The following NUTM2G variants were observed in gnomAD, a reference collection of about 807,000 sequenced individuals.
NUTM2G encodes NUT family member 2G, also known as family with sequence similarity 22, member G.
Under a neutral mutation model 44.3 loss-of-function variants are expected in NUTM2G, and 29 were observed. The observed-to-expected ratio is 0.66, with a 90% CI of 0.49 to 0.89. NUTM2G has a LOEUF of 0.89. Among genes scored for constraint, NUTM2G ranks in the 40% least tolerant of loss-of-function variants. The pLI is 0.00. For missense variants in NUTM2G, 502 were observed against 946.5 expected (o/e 0.53, Z 6.16); for synonymous variants, 205 against 395.9 (o/e 0.52, Z 5.72).
chr9:96,930,872 G>GTT lies in NUTM2G; in HGVS notation c.17-811_17-810dup, dbSNP rs1168888338. On this transcript the variant is annotated intron_variant, in intron 1 of 6. Coordinates refer to ENST00000372322, the MANE Select transcript of NUTM2G (RefSeq NM_001170741.3). Reference sequence around the variant, plus strand: ...GGCTTGGGCGAGTTTCCATCCAGTGGTTTTTTTTTTTTTTTTTTTTTTTTT... The same window carrying GTT: ...GGCTTGGGCGAGTTTCCATCCAGTGGTTTTTTTTTTTTTTTTTTTTTTTTTTT... Among the ~76,000 whole-genome samples the GTT allele has an allele frequency of 6.2e-4, 45 of 72,724 alleles. 11 individuals carry two copies. The highest frequency in any genetic ancestry group is 1.1e-3 in the South Asian group (2 of 1,792). The allele number at this position is 72,724 out of a possible 152,430, so 47.7% of individuals were successfully genotyped here. A position where few individuals can be genotyped will look rare whatever the true frequency, so the allele number is the denominator to read the frequency against.
At chr9:96,937,678 GTGTC>G (rs972038700) in intron 5 of NUTM2G, among the ~76,000 whole-genome samples, 1 of 150,302 alleles carries the variant, frequency 6.7e-6, no homozygotes, top group Non-Finnish European at 1.5e-5. Context: ...ATGGGTCTGT[GTGTC>G]TGTGTGTGGT....
chr9:96,930,837 C>G (rs541616246), intron 1 of NUTM2G, among the ~76,000 whole-genome samples: 6 of 136,644 alleles, frequency 4.4e-5, no homozygotes, highest in African/African-American at 1.6e-4. Flanking sequence ...TTCAGGGTTC[C>G]TAGGGCGCTG....
intron 1 of NUTM2G, among the ~76,000 whole-genome samples, chr9:96,931,387 CGA>C (rs370579143): frequency 4.6e-5 from 7 of 152,018 alleles, no homozygotes; most frequent in Admixed American, 2.0e-4. Context: ...ACCAAGCCAC[CGA>C]GAGACTCATC....
chr9:96,937,183 G>A lies in NUTM2G; in HGVS notation c.1102G>A (p.Glu368Lys). ...LPPPRPPRPAETKVPEEIPPE... is the reference protein window; with the variant it reads ...LPPPRPPRPAKTKVPEEIPPE... Reference sequence around the variant, plus strand: ...ACCACCCAGGCCCCCGAGGCCAGCAGAGACCAAGGTCCCTGAGGAGATCCC... The same window carrying A: ...ACCACCCAGGCCCCCGAGGCCAGCAAAGACCAAGGTCCCTGAGGAGATCCC... Residue 368 changes from glutamate to lysine, a missense_variant, in exon 5 of 7, where the codon GAG (glutamate) becomes AAG (lysine). By Grantham distance (56) the Glu-to-Lys change is moderately conservative. Coordinates refer to ENST00000372322, the MANE Select transcript of NUTM2G (RefSeq NM_001170741.3). 1.2e-6 allele frequency: 2 copies of A among 1,612,772 alleles called. No individual in the cohort carries two copies. The highest frequency in any genetic ancestry group is 8.5e-7 in the Non-Finnish European group (1 of 1,179,874).
Position 96,938,548 on chromosome 9 carries a change from A to T in NUTM2G, c.1625A>T (p.Gln542Leu), listed in dbSNP as rs548904237. 6.9e-5 allele frequency: 111 copies of T among 1,613,754 alleles called. No homozygotes were observed. Among genetic ancestry groups the T allele is most frequent in the Non-Finnish European group, 8.7e-5 (103 of 1,179,698 alleles). ...ACCTCCCCACCCCAGACGGCTGCCC[A>T]GGACCCTCAGGGACAGGGCAGAGTG... ...VETSPPQTAA[Q>L]DPQGQGRVRT... The change falls in exon 7 of 7, where the codon CAG becomes CTG. Residue 542 changes from glutamine to leucine, a missense_variant. By Grantham distance (113) the Gln-to-Leu change is moderately radical. Coordinates refer to ENST00000372322, the MANE Select transcript of NUTM2G (RefSeq NM_001170741.3).
Position 96,935,343 on chromosome 9 carries a change from C to T in NUTM2G, c.729C>T (p.Ser243=). The T allele has an allele frequency of 1.2e-6, 2 of 1,611,978 alleles. No individual in the cohort carries two copies. Among genetic ancestry groups the T allele is most frequent in the Non-Finnish European group, 1.7e-6 (2 of 1,179,850 alleles). ...LSCFLIPVLR[S]LARRKPTMTL... ...TGGTTTACAGCCCAGTTCTCCGATC[C>T]CTGGCCCGGCGGAAGCCCACCATGA... is the stretch of plus-strand genomic sequence containing the variant. The change falls in exon 3 of 7, where the codon TCC becomes TCT. Residue 243 remains serine (S), a synonymous_variant. Coordinates refer to ENST00000372322, the MANE Select transcript of NUTM2G (RefSeq NM_001170741.3).
At chr9:96,932,610 G>A (rs1426163915) in intron 2 of NUTM2G, among the ~76,000 whole-genome samples, 192 bp downstream of exon 2, 1 of 152,150 alleles carries the variant, frequency 6.6e-6, no homozygotes, top group African/African-American at 2.4e-5. Context: ...GGGGCCTCAT[G>A]TCAACTGCCT....
At chr9:96,934,339 C>T (rs933510948) in intron 2 of NUTM2G, among the ~76,000 whole-genome samples, 4 of 152,214 alleles carry the variant, frequency 2.6e-5, no homozygotes, top group Non-Finnish European at 5.9e-5. Flanking sequence ...GAGTCCCCTG[C>T]CTGGGGTGTA....
downstream of NUTM2G, among the ~76,000 whole-genome samples, chr9:96,941,191 TCTG>T (rs1238940100): frequency 6.6e-6 from 1 of 150,510 alleles, no homozygotes; most frequent in African/African-American, 2.5e-5. Context: ...CCTCGGGGCT[TCTG>T]CTGGTTTACC....
At chr9:96,942,064 C>A (rs559557014), downstream of NUTM2G, among the ~76,000 whole-genome samples, 1 of 151,810 alleles carries the variant, frequency 6.6e-6, no homozygotes, top group Non-Finnish European at 1.5e-5. Flanking sequence ...GCAGTTGGGG[C>A]GGCCCCGGGC....
intron 3 of NUTM2G, among the ~76,000 whole-genome samples, chr9:96,936,221 T>C (rs1481539231): frequency 2.7e-5 from 4 of 150,916 alleles, no homozygotes; most frequent in African/African-American, 9.7e-5. Context: ...ATTGATGCCA[T>C]GGGCTCTGCA....
At position 96,936,238 on chromosome 9, in the gene NUTM2G, G is replaced by A. The variant is rs1460010475; in HGVS notation, c.843-187G>A. Among the ~76,000 whole-genome samples, 9 of 151,606 alleles carry A rather than the reference G, an allele frequency of 5.9e-5. No individual in the cohort carries two copies. The East Asian group carries it at 1.4e-3, about 23-fold the overall frequency. On this transcript the variant is annotated intron_variant, in intron 3 of 6. Coordinates refer to ENST00000372322, the MANE Select transcript of NUTM2G (RefSeq NM_001170741.3). ...TGATGCCATGGGCTCTGCAGGGGCCGGGTGAGGGAGGGTGAGCCCAGAACT... is the reference window on the plus strand; with the variant it reads ...TGATGCCATGGGCTCTGCAGGGGCCAGGTGAGGGAGGGTGAGCCCAGAACT...
rs555217642 is a variant in NUTM2G, at chr9:96,935,404, T to C, written c.790T>C (p.Trp264Arg). ...EEGLWRAMRE[W>R]QHTSNFDRMI... Reference sequence around the variant, plus strand: ...GGGACTGTGGCGGGCCATGCGGGAATGGCAGCACACGAGCAACTTTGACCG... The same window carrying C: ...GGGACTGTGGCGGGCCATGCGGGAACGGCAGCACACGAGCAACTTTGACCG... The change falls in exon 3 of 7, where the codon TGG becomes CGG. Residue 264 changes from tryptophan to arginine, a missense_variant. Coordinates refer to ENST00000372322, the MANE Select transcript of NUTM2G (RefSeq NM_001170741.3). 1.9e-5 allele frequency: 31 copies of C among 1,611,996 alleles called. No individual in the cohort carries two copies. In the East Asian group the frequency reaches 6.7e-4, roughly 35 times the overall value.
rs1442147523 is a variant in NUTM2G at position 96,932,283 on chromosome 9, C to T, written c.578C>T (p.Ala193Val). Residue 193 changes from alanine (A) to valine (V), a missense_variant, in exon 2 of 7, where the codon GCC (alanine) becomes GTC (valine). By Grantham distance (64) the Ala-to-Val change is moderately conservative. Coordinates refer to ENST00000372322, the MANE Select transcript of NUTM2G (RefSeq NM_001170741.3). The part of the protein sequence containing the change: ...HGEGSLAPSQ[A>V]KARPDDSCKP... Reference sequence around the variant, plus strand: ...GAGGGCAGCCTGGCTCCCTCCCAGGCCAAGGCCCGGCCGGACGACTCCTGT... The same window carrying T: ...GAGGGCAGCCTGGCTCCCTCCCAGGTCAAGGCCCGGCCGGACGACTCCTGT... 6.2e-7 allele frequency: 1 copy of T among 1,613,538 alleles called. No individual in the cohort carries two copies. Among genetic ancestry groups the T allele is most frequent in the African/African-American group, 1.3e-5 (1 of 74,958 alleles).
In NUTM2G at chr9:96,935,384, T is replaced by C; in HGVS notation, c.770T>C (p.Leu257Pro). ...RKPTMTLEEG[L>P]WRAMREWQHT... ...CCCACCATGACGCTGGAGGAGGGAC[T>C]GTGGCGGGCCATGCGGGAATGGCAG... The change falls in exon 3 of 7, where the codon CTG (leucine) becomes CCG (proline). Residue 257 changes from leucine (L) to proline (P), a missense_variant. Transcript: ENST00000372322. 6.2e-6 allele frequency: 10 copies of C among 1,612,050 alleles called. No individual in the cohort carries two copies. The highest frequency in any genetic ancestry group is 7.6e-6 in the Non-Finnish European group (9 of 1,179,862).
chr9:96,937,682 CTGTGTGTGGTTTGTGTG>C (rs1232470401), intron 5 of NUTM2G, among the ~76,000 whole-genome samples, 186 bp from the exon 6 acceptor site: 3 of 149,712 alleles, frequency 2.0e-5, no homozygotes, highest in African/African-American at 7.6e-5. Context: ...GTCTGTGTGT[CTGTGTGTGGTTTGTGTG>C]TCTCTGTATG....
intron 2 of NUTM2G, among the ~76,000 whole-genome samples, chr9:96,934,394 C>T (rs1165144587): frequency 6.6e-6 from 1 of 152,122 alleles, no homozygotes; most frequent in Non-Finnish European, 1.5e-5. Flanking sequence ...TCGCTGCCCC[C>T]ACACCCTGGA....
rs768874910 is a variant in NUTM2G at position 96,936,470 on chromosome 9, G to A, written c.888G>A (p.Ser296=). ...EAEEEMQIQK[S]QWMKGPQSLP... is the part of the protein sequence containing the mutation. ...AGGAGGAGATGCAGATTCAGAAATC[G>A]CAGTGGATGAAGGGGCCCCAGAGCC... Residue 296 remains serine (S), a synonymous_variant, in exon 4 of 7, where the codon TCG becomes TCA. Transcript: ENST00000372322. 2.0e-5 allele frequency: 31 copies of A among 1,569,342 alleles called. No individual in the cohort carries two copies. Among genetic ancestry groups the A allele is most frequent in the Middle Eastern group, 2.3e-4 (1 of 4,428 alleles).
intron 1 of NUTM2G, among the ~76,000 whole-genome samples, chr9:96,929,533 A>G (rs1055797396): frequency 2.6e-5 from 4 of 151,440 alleles, no homozygotes; most frequent in African/African-American, 9.7e-5. Context: ...GCTGTGACAG[A>G]GCATGTAGTG....
Sources: gnomAD v4.1 joint callset for allele counts (sites outside exome capture counted in the v4.1 genomes callset) on GRCh38, gnomAD v4.1.1 for gene constraint, MANE v1.5 for transcripts, NCBI Gene and HGNC (gene_info 2026-07-23, HGNC 2026-07-21) for gene names.